CUL9: variants seen among roughly 807,000 people sequenced by gnomAD.
CUL9 encodes the protein cullin 9.
Under a neutral mutation model 272.6 loss-of-function variants are expected in CUL9, and 79 were observed. That is an observed-to-expected ratio of 0.29 (90% CI 0.24 to 0.35). CUL9 has a LOEUF of 0.35. Ranked by LOEUF, CUL9 falls within the 10% of genes least tolerant of loss-of-function variation. CUL9 has a pLI of 1.00. For missense variants in CUL9, 2,532 were observed against 3,255.6 expected, an observed-to-expected ratio of 0.78 and a Z score of 5.41; for synonymous variants, 1,186 against 1,286.5, an observed-to-expected ratio of 0.92 and a Z score of 1.67.
At chr6:43,201,127 C>T (rs1483084831) in intron 16 of CUL9, among the ~76,000 whole-genome samples, 1 of 152,188 alleles carries the variant, frequency 6.6e-6, no homozygotes, top group Non-Finnish European at 1.5e-5. Flanking sequence ...TGCTTAATGC[C>T]AGGCATTTGT....
In CUL9 at chr6:43,220,939, T is replaced by C. The variant is rs751441731; in HGVS notation, c.6588+28T>C. ...GGGAGCCCCACACTGGCCCTGACCC[T>C]GAGCAAGGATTCACACTCCTTCCCT... On this transcript the variant is annotated intron_variant, in intron 33 of 40. Transcript: ENST00000252050. The surrounding 1 kb of genome is among the most constrained non-coding windows in gnomAD (Gnocchi z 4.9). The C allele has an allele frequency of 6.3e-7, 1 of 1,578,322 alleles. No homozygotes were observed. The highest frequency in any genetic ancestry group is 8.6e-7 in the Non-Finnish European group (1 of 1,160,526).
At chr6:43,215,633 A>C (rs1457776727) in intron 30 of CUL9, among the ~76,000 whole-genome samples, 1 of 152,114 alleles carries the variant, frequency 6.6e-6, no homozygotes, top group African/African-American at 2.4e-5. Context: ...AGCACCCCTA[A>C]AGCTTTTTAA....
intron 9 of CUL9, among the ~76,000 whole-genome samples, chr6:43,194,024 G>A (rs562239189): frequency 4.6e-5 from 7 of 152,238 alleles, no homozygotes; most frequent in Admixed American, 1.3e-4. Context: ...CCAGAGAATC[G>A]GGAAGGAAGG....
At chr6:43,202,177 G>A (rs555766156) in intron 16 of CUL9, among the ~76,000 whole-genome samples, 2 of 152,332 alleles carry the variant, frequency 1.3e-5, no homozygotes, top group African/African-American at 4.8e-5. Context: ...TGAGTGCACG[G>A]AAGTTTTATT....
At chr6:43,185,309 T>C (rs1343610436) in intron 2 of CUL9, 147 bp from the exon 3 acceptor site, 20 of 786,828 alleles carry the variant, frequency 2.5e-5, no homozygotes, top group Non-Finnish European at 3.6e-5. Flanking sequence ...TGTATGTTTG[T>C]AACAGGTTAC....
Position 43,193,118 on chromosome 6 carries a change from G to A in CUL9, c.2298G>A (p.Pro766=), listed in dbSNP as rs772616892. ...TCATGACCAAGCACGAGTGGCGGCC[G>A]CTCTTTGCCAGGGAGGGTGGCATCT... is the stretch of plus-strand genomic sequence containing the variant. The part of the protein sequence containing the change: ...YLLMTKHEWR[P]LFAREGGIYA... The change falls in exon 9 of 41, where the codon CCG becomes CCA. Residue 766 remains proline, a synonymous_variant. Transcript: ENST00000252050. The A allele has an allele frequency of 1.4e-5, 22 of 1,614,096 alleles. No homozygotes were observed. The highest frequency in any genetic ancestry group is 6.6e-5 in the South Asian group (6 of 91,086).
chr6:43,213,250 T>G lies in CUL9; in HGVS notation c.5314T>G (p.Ser1772Ala). 1 of 1,612,866 alleles carries G rather than the reference T, an allele frequency of 6.2e-7. No homozygotes were observed. The highest frequency in any genetic ancestry group is 8.5e-7 in the Non-Finnish European group (1 of 1,179,710). ...GTTTGGGAAGCAGATACTGCATGTG[T>G]CCACCGTGCAGATGTGGCTGCTGCT... ...LQFGKQILHVSTVQMWLLLKF... is the reference protein window; with the variant it reads ...LQFGKQILHVATVQMWLLLKF... The change falls in exon 27 of 41, where the codon TCC (serine) becomes GCC (alanine). Residue 1772 changes from serine to alanine, a missense_variant. By Grantham distance (99) the Ser-to-Ala change is moderately conservative. Coordinates refer to ENST00000252050, the MANE Select transcript of CUL9 (RefSeq NM_015089.4). This position sits in a 1 kb window ranked among gnomAD's most constrained non-coding sequence, Gnocchi z 5.7.
At chr6:43,186,931 C>A (rs1290353846) in intron 4 of CUL9, 29 bp from the exon 5 acceptor site, 11 of 1,611,246 alleles carry the variant, frequency 6.8e-6, no homozygotes, top group Non-Finnish European at 9.3e-6. Flanking sequence ...CTTCTCTATT[C>A]TGCTCTCTTT....
In CUL9 at chr6:43,193,034, G is replaced by C; in HGVS notation, c.2214G>C (p.Leu738=). 1 of 1,614,174 alleles carries C rather than the reference G, an allele frequency of 6.2e-7. No homozygotes were observed. Among genetic ancestry groups the C allele is most frequent in the Non-Finnish European group, 8.5e-7 (1 of 1,180,022 alleles). Residue 738 remains leucine (L), a synonymous_variant, in exon 9 of 41, where the codon CTG becomes CTC. Transcript: ENST00000252050. ...TAGTGAAGATGCTGGTGGAGCTGCTGACCAACCAGGTGGGAGAGAAGATGG... is the reference window on the plus strand; with the variant it reads ...TAGTGAAGATGCTGGTGGAGCTGCTCACCAACCAGGTGGGAGAGAAGATGG... ...EKLVKMLVEL[L]TNQVGEKMVV... is the part of the protein sequence containing the mutation.
In CUL9 at chr6:43,188,700, C is replaced by T. The variant is rs1331257936; in HGVS notation, c.2165C>T (p.Pro722Leu). ...VTERDHPLVR[P>L]DRSLREKLVK... ...GAGCGGGACCACCCTCTGGTCCGTC[C>T]TGACAGATCGCTGAGGTTAGCATAC... Residue 722 changes from proline (P) to leucine (L), a missense_variant, in exon 8 of 41, where the codon CCT becomes CTT. Around this residue, in one of 3 missense-constraint regions of CUL9, gnomAD observed 2,218 missense variants for 2,788.6 expected, o/e 0.80. Coordinates refer to ENST00000252050, the MANE Select transcript of CUL9 (RefSeq NM_015089.4). 6.2e-7 allele frequency: 1 copy of T among 1,610,482 alleles called. No individual in the cohort carries two copies. Among genetic ancestry groups the T allele is most frequent in the Non-Finnish European group, 8.5e-7 (1 of 1,178,624 alleles).
intron 16 of CUL9, among the ~76,000 whole-genome samples, chr6:43,202,136 A>C (rs754928749): frequency 1.6e-4 from 24 of 152,220 alleles, no homozygotes; most frequent in Non-Finnish European, 3.2e-4. Context: ...GAGAAGGTGA[A>C]GGCCTCAGTG....
intron 31 of CUL9, among the ~76,000 whole-genome samples, chr6:43,219,726 G>A (rs1450118116): frequency 7.2e-5 from 11 of 152,160 alleles, no homozygotes; most frequent in Admixed American, 7.2e-4. Flanking sequence ...AGTATTGTAG[G>A]AGGCTCAGAC....
intron 26 of CUL9, chr6:43,212,928 C>T (rs922471006): frequency 1.5e-4 from 83 of 535,622 alleles, no homozygotes; most frequent in Non-Finnish European, 2.4e-4. Flanking sequence ...CAGGGCTAGG[C>T]GCTGGGTCTA....
chr6:43,223,769 C>G lies in CUL9; in HGVS notation c.7285-326C>G, dbSNP rs572971478. ...ACTGGAGCAAGGGCTCTCCCAGGCTCTCTCCAGCTCTAATGCACTGATGCT... is the reference window on the plus strand; with the variant it reads ...ACTGGAGCAAGGGCTCTCCCAGGCTGTCTCCAGCTCTAATGCACTGATGCT... On this transcript the variant is annotated intron_variant, in intron 39 of 40. Transcript: ENST00000252050. The surrounding 1 kb of genome is among the most constrained non-coding windows in gnomAD (Gnocchi z 4.1). 11 of 500,430 alleles carry G rather than the reference C, an allele frequency of 2.2e-5. No individual in the cohort carries two copies. The highest frequency in any genetic ancestry group is 1.7e-4 in the South Asian group (7 of 41,058). The allele number at this position is 500,430 out of a possible 1,614,324, so 31.0% of individuals were successfully genotyped here. A position where few individuals can be genotyped will look rare whatever the true frequency, so the allele number is the denominator to read the frequency against.
Position 43,200,619 on chromosome 6 carries a change from A to T in CUL9, c.3476-44A>T. 1.2e-6 allele frequency: 2 copies of T among 1,613,352 alleles called. No homozygotes were observed. The highest frequency in any genetic ancestry group is 1.7e-6 in the Non-Finnish European group (2 of 1,179,696). On this transcript the variant is annotated intron_variant, in intron 15 of 40. Coordinates refer to ENST00000252050, the MANE Select transcript of CUL9 (RefSeq NM_015089.4). The surrounding 1 kb of genome is among the most constrained non-coding windows in gnomAD (Gnocchi z 4.0). ...CTTAGACCTTTTCCTTTTTCCTCTC[A>T]ACTAACCTAGCTGTGACTGCCACCC...
chr6:43,214,963 C>A, intron 29 of CUL9, 116 bp from the exon 30 acceptor site: 1 of 1,260,382 alleles, frequency 7.9e-7, no homozygotes, highest in Non-Finnish European at 1.1e-6. Flanking sequence ...GGTGACAGAG[C>A]AAGACTGTCT....
In CUL9 at chr6:43,213,504, G is replaced by C. The variant is rs755550511; in HGVS notation, c.5425G>C (p.Val1809Leu). Residue 1809 changes from valine (V) to leucine (L), a missense_variant, in exon 28 of 41, where the codon GTG becomes CTG. Physicochemically the swap from Val to Leu is conservative, Grantham distance 32 (BLOSUM62 1). Around this residue, in one of 3 missense-constraint regions of CUL9, gnomAD observed 2,218 missense variants for 2,788.6 expected, o/e 0.80. Coordinates refer to ENST00000252050, the MANE Select transcript of CUL9 (RefSeq NM_015089.4). This position sits in a 1 kb window ranked among gnomAD's most constrained non-coding sequence, Gnocchi z 5.7. ...CCCAGAGCTGCTGCTCCAGGCACTCGTGCCCCTCACCTCAGGGAATGGCCC... is the reference window on the plus strand; with the variant it reads ...CCCAGAGCTGCTGCTCCAGGCACTCCTGCCCCTCACCTCAGGGAATGGCCC... Reference protein sequence around the residue: ...LSPELLLQALVPLTSGNGPLT... With the variant: ...LSPELLLQALLPLTSGNGPLT... 8 of 1,613,438 alleles carry C rather than the reference G, an allele frequency of 5.0e-6. No individual in the cohort carries two copies. Among genetic ancestry groups the C allele is most frequent in the Admixed American group, 3.3e-5 (2 of 59,942 alleles).
Position 43,220,806 on chromosome 6 carries a change from C to G in CUL9, c.6483C>G (p.Thr2161=). 1 of 1,613,510 alleles carries G rather than the reference C, an allele frequency of 6.2e-7. No homozygotes were observed. Among genetic ancestry groups the G allele is most frequent in the Non-Finnish European group, 8.5e-7 (1 of 1,180,002 alleles). Residue 2161 remains threonine, a synonymous_variant, in exon 33 of 41, where the codon ACC becomes ACG. Transcript: ENST00000252050. The surrounding 1 kb of genome is among the most constrained non-coding windows in gnomAD (Gnocchi z 4.9). ...VESCSNLTWC[T]NPQGCDRILC... Reference sequence around the variant, plus strand: ...GCTGCTCCAACCTGACCTGGTGCACCAACCCCCAGGGCTGCGACCGCATCC... The same window carrying G: ...GCTGCTCCAACCTGACCTGGTGCACGAACCCCCAGGGCTGCGACCGCATCC...
In CUL9 at chr6:43,222,795, G is replaced by C; in HGVS notation, c.7049G>C (p.Cys2350Ser). ...EQARKVLAYA[C>S]VYSFYSQDAE... ...CCCCTGCAGGTGCTGGCCTACGCCT[G>C]CGTGTACAGCTTCTACAGCCAGGAC... Residue 2350 changes from cysteine to serine, a missense_variant, in exon 38 of 41, where the codon TGC becomes TCC. By Grantham distance (112) the Cys-to-Ser change is moderately radical (BLOSUM62 -1). Transcript: ENST00000252050. 1 of 1,614,050 alleles carries C rather than the reference G, an allele frequency of 6.2e-7. No homozygotes were observed. Among genetic ancestry groups the C allele is most frequent in the Non-Finnish European group, 8.5e-7 (1 of 1,179,970 alleles).
Sources: gnomAD v4.1 joint callset for allele counts (sites outside exome capture counted in the v4.1 genomes callset) on GRCh38, gnomAD v4.1.1 for gene constraint, gnomAD v4.1.1 regional missense constraint, Gnocchi (gnomAD v3.1) non-coding constraint, MANE v1.5 for transcripts, NCBI Gene and HGNC (gene_info 2026-07-23, HGNC 2026-07-21) for gene names.